The following EHBP1 variants were observed in gnomAD, a reference collection of about 807,000 sequenced individuals.
The protein encoded by EHBP1 is EH domain-binding protein 1.
A neutral mutation model predicts 144.0 loss-of-function variants in EHBP1; 55 were observed. That is an observed-to-expected ratio of 0.38 (90% CI 0.31 to 0.48). The LOEUF (loss-of-function observed/expected upper bound fraction) is 0.48. EHBP1 is among the 20% of genes least tolerant of loss of function. The pLI is 0.98. For synonymous variants in EHBP1, 469 were observed against 472.7 expected, an observed-to-expected ratio of 0.99 and a Z score of 0.10; for missense variants, 1,200 against 1,364.2, an observed-to-expected ratio of 0.88 and a Z score of 1.90.
At chr2:62,825,834 T>C (rs1043474834) in intron 5 of EHBP1, among the ~76,000 whole-genome samples, 2 of 152,066 alleles carry the variant, frequency 1.3e-5, no homozygotes, top group Non-Finnish European at 2.9e-5. Context: ...CCTTTTCTGG[T>C]GTTTAGGGTT....
At chr2:62,912,699 T>C (rs2054323519) in intron 10 of EHBP1, among the ~76,000 whole-genome samples, 1 of 152,220 alleles carries the variant, frequency 6.6e-6, no homozygotes, top group African/African-American at 2.4e-5. Context: ...CATTTTAAAT[T>C]TGAAGCACCG....
At chr2:62,747,837 C>T in intron 3 of EHBP1, among the ~76,000 whole-genome samples, 1 of 151,850 alleles carries the variant, frequency 6.6e-6, no homozygotes, top group Admixed American at 6.6e-5. Context: ...AGGACTTCTC[C>T]CTTGTGAATT....
chr2:62,883,452 A>G (rs1476881326), intron 10 of EHBP1, among the ~76,000 whole-genome samples: 1 of 152,214 alleles, frequency 6.6e-6, no homozygotes. Context: ...GCTCAGACAT[A>G]GACATTAGAG....
chr2:62,762,074 A>AT (rs1288418404), intron 3 of EHBP1, among the ~76,000 whole-genome samples: 1 of 152,144 alleles, frequency 6.6e-6, no homozygotes, highest in African/African-American at 2.4e-5. Flanking sequence ...AGTAGCTGGG[A>AT]TTCCAGGCAT....
intron 10 of EHBP1, among the ~76,000 whole-genome samples, chr2:62,931,976 A>C (rs1360789124): frequency 6.6e-6 from 1 of 152,048 alleles, no homozygotes; most frequent in Non-Finnish European, 1.5e-5. Context: ...CAGGAGTTCA[A>C]GACCAGCCTG....
chr2:63,040,195 C>T (rs1219889903), intron 21 of EHBP1, among the ~76,000 whole-genome samples: 2 of 150,262 alleles, frequency 1.3e-5, no homozygotes, highest in East Asian at 1.9e-4. Flanking sequence ...ATATATAATA[C>T]ATATAACTCA....
chr2:62,988,024 AC>A, intron 15 of EHBP1: 1 of 1,598,146 alleles, frequency 6.3e-7, no homozygotes, highest in Non-Finnish European at 8.6e-7. Flanking sequence ...TTAGAAAATG[AC>A]CTTGATACTC....
intron 5 of EHBP1, among the ~76,000 whole-genome samples, chr2:62,797,089 A>G (rs533719853): frequency 1.3e-5 from 2 of 152,194 alleles, no homozygotes; most frequent in Admixed American, 1.3e-4. Context: ...TTTTTGTCCT[A>G]TCCTGTGAAC....
At chr2:62,941,904 T>C (rs1403948331) in intron 10 of EHBP1, among the ~76,000 whole-genome samples, 1 of 152,064 alleles carries the variant, frequency 6.6e-6, no homozygotes, top group Non-Finnish European at 1.5e-5. Flanking sequence ...TAAAAGAAAA[T>C]GATATGGTTT....
intron 2 of EHBP1, among the ~76,000 whole-genome samples, chr2:62,729,460 T>TAA (rs1326853512): frequency 5.3e-5 from 6 of 112,490 alleles, no homozygotes; most frequent in African/African-American, 1.8e-4. Context: ...AAATATATAA[T>TAA]ATATAAATAT....
intron 14 of EHBP1, among the ~76,000 whole-genome samples, chr2:62,963,468 T>C (rs769829428): frequency 1.3e-4 from 20 of 152,228 alleles, no homozygotes; most frequent in Non-Finnish European, 2.4e-4. Flanking sequence ...AGTTTTCATA[T>C]ATATGTGTTC....
At chr2:62,939,306 G>A (rs1163804928) in intron 10 of EHBP1, among the ~76,000 whole-genome samples, 2 of 152,028 alleles carry the variant, frequency 1.3e-5, no homozygotes, top group South Asian at 2.1e-4. Context: ...ATGGAGTCTC[G>A]CTCTGTCGCC....
At chr2:62,768,204 AACTCATT>A (rs2041349436) in intron 4 of EHBP1, among the ~76,000 whole-genome samples, 1 of 152,214 alleles carries the variant, frequency 6.6e-6, no homozygotes, top group Non-Finnish European at 1.5e-5. Flanking sequence ...AGAAAATGAA[AACTCATT>A]CAAAAGATCA....
rs538279697 is a variant in EHBP1 at position 62,756,492 on chromosome 2, C to T, written c.163-7774C>T. On this transcript the variant is annotated intron_variant, in intron 3 of 22. Transcript: ENST00000431489. ...TTTATGAAAATGCTGTTTTAGGCTG[C>T]GCGTGTTGGCTCATGCCTGTAATCC... Among the ~76,000 whole-genome samples, 16 of 152,004 alleles carry T rather than the reference C, an allele frequency of 1.1e-4. No individual in the cohort carries two copies. The South Asian group carries it at 2.3e-3, about 22-fold the overall frequency.
At chr2:62,850,703 G>A (rs2152757038) in intron 7 of EHBP1, among the ~76,000 whole-genome samples, 1 of 152,046 alleles carries the variant, frequency 6.6e-6, no homozygotes, top group African/African-American at 2.4e-5. Flanking sequence ...ATTGGGTTGG[G>A]TAGTACTTTT....
chr2:62,930,527 A>T lies in EHBP1; in HGVS notation c.1186-12191A>T, dbSNP rs1475949495. On this transcript the variant is annotated intron_variant, in intron 10 of 22. Transcript: ENST00000431489. ...GTTTTTTGTAAAAATACAAAAATCC[A>T]TGTTAATATTCATTTGGAATTTTAA... Among the ~76,000 whole-genome samples, 5 of 152,318 alleles carry T rather than the reference A, an allele frequency of 3.3e-5. No homozygotes were observed. In the Middle Eastern group the frequency reaches 0.014, roughly 414 times the overall value.
chr2:62,915,714 A>G (rs1216448010), intron 10 of EHBP1, among the ~76,000 whole-genome samples: 1 of 152,140 alleles, frequency 6.6e-6, no homozygotes, highest in Non-Finnish European at 1.5e-5. Flanking sequence ...AGGATTTAAA[A>G]AAAATTTTTT....
In EHBP1 at chr2:62,948,756, G is replaced by A. The variant is rs774557542; in HGVS notation, c.1910G>A (p.Cys637Tyr). ...TCAGGATCTGATGACCCTGGAATAT[G>A]TTCCAATACAGATTCAACCCAAGCA... ...RTSGSDDPGICSNTDSTQAQV... is the reference protein window; with the variant it reads ...RTSGSDDPGIYSNTDSTQAQV... The change falls in exon 13 of 23, where the codon TGT becomes TAT. Residue 637 changes from cysteine to tyrosine, a missense_variant. Coordinates refer to ENST00000431489, the MANE Select transcript of EHBP1 (RefSeq NM_001142616.3). The A allele has an allele frequency of 4.3e-6, 7 of 1,614,118 alleles. No homozygotes were observed. The South Asian group carries it at 7.7e-5, about 18-fold the overall frequency.
intron 5 of EHBP1, among the ~76,000 whole-genome samples, chr2:62,784,886 T>A (rs1010524571): frequency 1.3e-5 from 2 of 152,170 alleles, no homozygotes; most frequent in African/African-American, 2.4e-5. Flanking sequence ...TTCTGGACTA[T>A]GAAAACATAT....
Sources: allele counts gnomAD v4.1 joint callset (sites outside exome capture counted in the v4.1 genomes callset), GRCh38; gene constraint gnomAD v4.1.1; transcripts MANE v1.5; gene names NCBI Gene and HGNC (gene_info 2026-07-23, HGNC 2026-07-21).